CAMK2D: variants seen among roughly 807,000 people sequenced by gnomAD.
CAMK2D encodes calcium/calmodulin-dependent protein kinase type II subunit delta.
CAMK2D carries 37 observed loss-of-function variants against 84.0 expected under a neutral mutation model. The ratio of observed to expected loss-of-function variants is 0.44; its 90% CI spans 0.34 to 0.58. CAMK2D has a LOEUF of 0.58. Ranked by LOEUF, CAMK2D falls within the 20% of genes least tolerant of loss-of-function variation. The pLI, the probability that CAMK2D is intolerant of heterozygous loss-of-function variation, is 0.02. For synonymous variants in CAMK2D, 202 were observed against 212.5 expected (o/e 0.95, Z 0.43); for missense variants, 448 against 652.5 (o/e 0.69, Z 3.41).
chr4:113,624,192 C>T (rs1031667668), intron 3 of CAMK2D, among the ~76,000 whole-genome samples: 1 of 152,104 alleles, frequency 6.6e-6, no homozygotes, highest in African/African-American at 2.4e-5. Flanking sequence ...ATAAGTTTAA[C>T]CGCCTTGGAA....
intron 13 of CAMK2D, 69 bp downstream of exon 13, chr4:113,509,569 T>C (rs370279471): frequency 7.0e-5 from 69 of 987,662 alleles, no homozygotes; most frequent in Non-Finnish European, 1.1e-4. Flanking sequence ...TTAGGAATTA[T>C]ATATAACATT....
chr4:113,604,203 T>C (rs1333287192), intron 4 of CAMK2D, among the ~76,000 whole-genome samples: 1 of 152,128 alleles, frequency 6.6e-6, no homozygotes, highest in Non-Finnish European at 1.5e-5. Context: ...CGGAACTCAT[T>C]GGGTAAGTGG....
Position 113,457,372 on chromosome 4 carries a change from G to A in CAMK2D, c.1498C>T (p.His500Tyr). The A allele has an allele frequency of 6.2e-7, 1 of 1,613,726 alleles. No individual in the cohort carries two copies. The highest frequency in any genetic ancestry group is 2.2e-5 in the East Asian group (1 of 44,874). ...HRRDGKWQNV[H>Y]FHRSGSPTVP... Reference sequence around the variant, plus strand: ...GTTGGTGACCCCGAGCGATGAAAATGAACATTCTGCCACTTTCCATCCCGG... The same window carrying A: ...GTTGGTGACCCCGAGCGATGAAAATAAACATTCTGCCACTTTCCATCCCGG... The change falls in exon 19 of 21, where the codon CAT (histidine) becomes TAT (tyrosine). Residue 500 changes from histidine (H) to tyrosine (Y), a missense_variant. His to Tyr is a moderately conservative substitution (Grantham distance 83). Transcript: ENST00000511664.
chr4:113,454,387 A>C lies in CAMK2D; in HGVS notation c.*158T>G. ...TGATAAGATGATGCATCACATATGC[A>C]TTACATGTAGGACCTTCACAACTTC... On this transcript the variant is annotated 3_prime_UTR_variant, in exon 21 of 21. Transcript: ENST00000511664. 4.3e-6 allele frequency: 3 copies of C among 697,148 alleles called. No individual in the cohort carries two copies. The highest frequency in any genetic ancestry group is 8.0e-6 in the Non-Finnish European group (3 of 375,200). 43.2% of individuals were successfully genotyped at this position (697,148 alleles called of 1,614,324 possible).
At chr4:113,553,741 C>G (rs1392905955) in intron 4 of CAMK2D, among the ~76,000 whole-genome samples, 1 of 152,034 alleles carries the variant, frequency 6.6e-6, no homozygotes, top group Non-Finnish European at 1.5e-5. Context: ...TTCTAAAAAC[C>G]ATGGTTACAT....
chr4:113,477,342 C>T (rs1469623009), intron 16 of CAMK2D, among the ~76,000 whole-genome samples: 1 of 152,184 alleles, frequency 6.6e-6, no homozygotes, highest in Non-Finnish European at 1.5e-5. Context: ...GTAACACATG[C>T]TTTTTAATAA....
At chr4:113,472,621 T>C (rs2097560159) in intron 16 of CAMK2D, among the ~76,000 whole-genome samples, 1 of 152,214 alleles carries the variant, frequency 6.6e-6, no homozygotes, top group Admixed American at 6.5e-5. Context: ...ATAAGCCCTA[T>C]TGAGAGGTCT....
intron 8 of CAMK2D, among the ~76,000 whole-genome samples, chr4:113,519,223 C>T (rs771435888): frequency 6.6e-6 from 1 of 152,112 alleles, no homozygotes. Flanking sequence ...TTTCCTAATA[C>T]ACATCTGGAA....
chr4:113,676,758 T>C (rs945641426), intron 2 of CAMK2D, among the ~76,000 whole-genome samples: 2 of 152,210 alleles, frequency 1.3e-5, no homozygotes, highest in East Asian at 3.8e-4. Flanking sequence ...AAGAAAATTC[T>C]GTACAGACCT....
At chr4:113,483,722 T>C (rs2097731224) in intron 16 of CAMK2D, among the ~76,000 whole-genome samples, 1 of 152,078 alleles carries the variant, frequency 6.6e-6, no homozygotes, top group Non-Finnish European at 1.5e-5. Flanking sequence ...ATTTTTTTAA[T>C]GCACATATTA....
chr4:113,754,978 G>T (rs1011910205), intron 2 of CAMK2D: 3 of 984,340 alleles, frequency 3.0e-6, no homozygotes, highest in African/African-American at 3.5e-5. Context: ...GTTCCAATTT[G>T]CCAAATCAAT....
At chr4:113,621,104 T>G (rs1291570766) in intron 3 of CAMK2D, among the ~76,000 whole-genome samples, 1 of 152,096 alleles carries the variant, frequency 6.6e-6, no homozygotes, top group East Asian at 1.9e-4. Flanking sequence ...TTTGTTTTTG[T>G]AGAGACGAGG....
At chr4:113,712,942 T>A (rs775381386) in intron 2 of CAMK2D, among the ~76,000 whole-genome samples, 21 of 152,100 alleles carry the variant, frequency 1.4e-4, no homozygotes, top group Non-Finnish European at 2.4e-4. Flanking sequence ...TATGCAATAC[T>A]GTTTTCTGCA....
At chr4:113,512,163 C>T (rs1016509880) in intron 12 of CAMK2D, among the ~76,000 whole-genome samples, 5 of 152,196 alleles carry the variant, frequency 3.3e-5, no homozygotes, top group East Asian at 1.9e-4. Flanking sequence ...TTACCAAGTG[C>T]GGCTTAATTG....
chr4:113,599,446 T>C (rs920137034), intron 4 of CAMK2D, among the ~76,000 whole-genome samples: 4 of 152,230 alleles, frequency 2.6e-5, no homozygotes, highest in Non-Finnish European at 5.9e-5. Flanking sequence ...GTGTCTTTCA[T>C]TGGGTAAGTC....
In CAMK2D at chr4:113,651,690, T is replaced by C. The variant is rs1202796050; in HGVS notation, c.220+10023A>G. 2.0e-5 allele frequency among the ~76,000 whole-genome samples: 3 copies of C among 152,296 alleles called. No individual in the cohort carries two copies. In the East Asian group the frequency reaches 5.8e-4, roughly 29 times the overall value. On this transcript the variant is annotated intron_variant, in intron 3 of 20. Transcript: ENST00000511664. ...GAGTTTTAAAATGTTTTGTCATACA[T>C]TGTACAAATTATATTAATTACTATT...
chr4:113,617,664 AT>A (rs1310123729), intron 3 of CAMK2D, among the ~76,000 whole-genome samples: 1 of 151,514 alleles, frequency 6.6e-6, no homozygotes, highest in African/African-American at 2.4e-5. Flanking sequence ...AAACAGAACA[AT>A]TTTTTTTGTT....
At chr4:113,723,255 TA>T (rs1390333695) in intron 2 of CAMK2D, among the ~76,000 whole-genome samples, 3 of 151,408 alleles carry the variant, frequency 2.0e-5, no homozygotes, top group African/African-American at 7.3e-5. Context: ...GACAGAGTCT[TA>T]CTCTGTCACC....
At chr4:113,492,557 T>C (rs1045561331) in intron 16 of CAMK2D, among the ~76,000 whole-genome samples, 48 of 152,236 alleles carry the variant, frequency 3.2e-4, no homozygotes, top group African/African-American at 1.1e-3. Context: ...GAGCTTCACT[T>C]CCAACTATGT....
Sources: allele counts gnomAD v4.1 joint callset (sites outside exome capture counted in the v4.1 genomes callset), GRCh38; gene constraint gnomAD v4.1.1; transcripts MANE v1.5; gene names NCBI Gene and HGNC (gene_info 2026-07-23, HGNC 2026-07-21).